Variants in ZFP69 observed in about 807,000 individuals in gnomAD.
ZFP69 encodes zinc finger protein 69 homolog.
In ZFP69, 35 loss-of-function variants were observed where a neutral mutation model predicts 48.9. The ratio of observed to expected loss-of-function variants is 0.72; its 90% confidence interval spans 0.55 to 0.95. ZFP69 has a LOEUF of 0.95. Ranked by LOEUF, ZFP69 falls within the 40% of genes least tolerant of loss-of-function variation. The pLI, the probability that ZFP69 is intolerant of heterozygous loss-of-function variation, is 0.00. For missense variants in ZFP69, 557 were observed against 638.4 expected (o/e 0.87, Z 1.37); for synonymous variants, 193 against 216.8 (o/e 0.89, Z 0.96).
chr1:40,488,190 T>C (rs12240149), intron 3 of ZFP69, among the ~76,000 whole-genome samples: 47 of 105,856 alleles, frequency 4.4e-4, no homozygotes, highest in African/African-American at 5.8e-4. Flanking sequence ...CACACACACA[T>C]AGTTTATTCA....
In ZFP69 at chr1:40,477,446, C is replaced by T. The variant is rs917508691; in HGVS notation, c.-775C>T. On this transcript the variant is annotated 5_prime_UTR_variant, in exon 1 of 6. Coordinates refer to ENST00000372706, the MANE Select transcript of ZFP69 (RefSeq NM_001320179.2). This position sits in a 1 kb window ranked among gnomAD's most constrained non-coding sequence, Gnocchi z 4.0. ...GCCAGGCGAGACACCCGGCTGCGGC[C>T]TAAGAGGCCAGGCTGGGTGGGCTTG... The T allele has an allele frequency of 6.6e-6, 1 of 152,160 alleles. No homozygotes were observed. The highest frequency in any genetic ancestry group is 2.4e-5 in the African/African-American group (1 of 41,438). The allele number at this position is 152,160 out of a possible 1,614,324, so 9.4% of individuals were successfully genotyped here. A position where few individuals can be genotyped will look rare whatever the true frequency, so the allele number is the denominator to read the frequency against.
chr1:40,479,892 T>C (rs1645426962), intron 2 of ZFP69, among the ~76,000 whole-genome samples: 1 of 152,200 alleles, frequency 6.6e-6, no homozygotes, highest in South Asian at 2.1e-4. Context: ...GTTTTTTCTT[T>C]TCATCTGCTG....
At position 40,496,130 on chromosome 1, in the gene ZFP69, A is replaced by ACTC; in HGVS notation, c.*72_*74dup. 6.8e-7 allele frequency: 1 copy of ACTC among 1,460,992 alleles called. No individual in the cohort carries two copies. The highest frequency in any genetic ancestry group is 1.4e-5 in the South Asian group (1 of 71,098). 90.5% of individuals were successfully genotyped at this position (1,460,992 alleles called of 1,614,324 possible). On this transcript the variant is annotated 3_prime_UTR_variant, in exon 6 of 6. Transcript: ENST00000372706. ...ATTTAGAGTGCTTTAAAATTTCAGG[A>ACTC]CTCAGATATGAGGAATTGATGTAAT...
At chr1:40,485,927 G>A (rs1227839262) in intron 3 of ZFP69, among the ~76,000 whole-genome samples, 5 of 151,872 alleles carry the variant, frequency 3.3e-5, no homozygotes, top group African/African-American at 9.7e-5. Flanking sequence ...TTTTTGAGAC[G>A]GAGTCTTGCT....
rs771365335 is a variant in ZFP69, at chr1:40,495,182, ATGT to A, written c.706_708del (p.Val236del). 20 of 1,614,024 alleles carry A rather than the reference ATGT, an allele frequency of 1.2e-5. No individual in the cohort carries two copies. The highest frequency in any genetic ancestry group is 1.6e-5 in the Non-Finnish European group (19 of 1,180,014). ...GGGGAAAATATCATTGTGCATTCAA[ATGT>A]TATTATTGAACAGAGGCACCATAAA... On this transcript the variant is annotated inframe_deletion, in exon 6 of 6. Coordinates refer to ENST00000372706, the MANE Select transcript of ZFP69 (RefSeq NM_001320179.2).
chr1:40,489,110 T>C lies in ZFP69; in HGVS notation c.242T>C (p.Ile81Thr). ...TAGGAATTGTTGACTTTCAAGGACA[T>C]ATCTATTGACTTCACCCAGGAAGAG... ...ESQELLTFKD[I>T]SIDFTQEEWG... The change falls in exon 4 of 6, where the codon ATA becomes ACA. Residue 81 changes from isoleucine to threonine, a missense_variant. Physicochemically the swap from Ile to Thr is moderately conservative, Grantham distance 89. Coordinates refer to ENST00000372706, the MANE Select transcript of ZFP69 (RefSeq NM_001320179.2). The C allele has an allele frequency of 1.2e-6, 2 of 1,614,162 alleles. No individual in the cohort carries two copies. Among genetic ancestry groups the C allele is most frequent in the Non-Finnish European group, 1.7e-6 (2 of 1,180,016 alleles).
At chr1:40,487,645 A>G (rs1464441859) in intron 3 of ZFP69, among the ~76,000 whole-genome samples, 1 of 152,186 alleles carries the variant, frequency 6.6e-6, no homozygotes, top group Non-Finnish European at 1.5e-5. Context: ...TCCTGTGGCT[A>G]TTGTAGTGCG....
chr1:40,496,140 G>T lies in ZFP69; in HGVS notation c.*81G>T, dbSNP rs1467065277. 1.4e-6 allele frequency: 2 copies of T among 1,419,894 alleles called. No individual in the cohort carries two copies. The highest frequency in any genetic ancestry group is 1.9e-6 in the Non-Finnish European group (2 of 1,057,548). The allele number at this position is 1,419,894 out of a possible 1,614,324, so 88.0% of individuals were successfully genotyped here. Reference sequence around the variant, plus strand: ...CTTTAAAATTTCAGGACTCAGATATGAGGAATTGATGTAATGATGCCAACT... The same window carrying T: ...CTTTAAAATTTCAGGACTCAGATATTAGGAATTGATGTAATGATGCCAACT... On this transcript the variant is annotated 3_prime_UTR_variant, in exon 6 of 6. Transcript: ENST00000372706.
At chr1:40,479,807 C>T (rs1189680223) in intron 2 of ZFP69, among the ~76,000 whole-genome samples, 2 of 152,192 alleles carry the variant, frequency 1.3e-5, no homozygotes, top group African/African-American at 4.8e-5. Flanking sequence ...TTCTGCCCTC[C>T]TTAAGTCCTC....
chr1:40,480,290 G>A (rs1366014300), intron 2 of ZFP69, among the ~76,000 whole-genome samples: 2 of 150,650 alleles, frequency 1.3e-5, no homozygotes, highest in Non-Finnish European at 3.0e-5. Context: ...TTTGGTGATG[G>A]AGTCTCGCTG....
intron 5 of ZFP69, chr1:40,490,787 T>C (rs573341737): frequency 1.3e-5 from 2 of 152,362 alleles, no homozygotes; most frequent in African/African-American, 2.4e-5. Flanking sequence ...CAGCTACTTA[T>C]GAAAACTCCT....
Position 40,495,265 on chromosome 1 carries a change from A to G in ZFP69, c.787A>G (p.Thr263Ala). ...CAAATTAGATTTGATTAATCATCCA[A>G]CAAGTTACATAAGAACAAAAACCTA... ...TYKLDLINHPTSYIRTKTYEC... is the reference protein window; with the variant it reads ...TYKLDLINHPASYIRTKTYEC... Residue 263 changes from threonine (T) to alanine (A), a missense_variant, in exon 6 of 6, where the codon ACA (threonine) becomes GCA (alanine). Thr to Ala is a moderately conservative substitution (Grantham distance 58). Transcript: ENST00000372706. 1 of 1,614,074 alleles carries G rather than the reference A, an allele frequency of 6.2e-7. No individual in the cohort carries two copies. The highest frequency in any genetic ancestry group is 1.1e-5 in the South Asian group (1 of 91,084).
rs911676554 is a variant in ZFP69, at chr1:40,495,250, T to C, written c.772T>C (p.Leu258=). ...PTKRNTYKLD[L]INHPTSYIRT... ...AAAGCGGAACACATACAAATTAGAT[T>C]TGATTAATCATCCAACAAGTTACAT... The change falls in exon 6 of 6, where the codon TTG becomes CTG. Residue 258 remains leucine, a synonymous_variant. Coordinates refer to ENST00000372706, the MANE Select transcript of ZFP69 (RefSeq NM_001320179.2). 3 of 1,613,928 alleles carry C rather than the reference T, an allele frequency of 1.9e-6. No individual in the cohort carries two copies. Among genetic ancestry groups the C allele is most frequent in the East Asian group, 2.2e-5 (1 of 44,884 alleles).
At chr1:40,491,740 G>A (rs1490662097) in intron 5 of ZFP69, among the ~76,000 whole-genome samples, 1 of 145,636 alleles carries the variant, frequency 6.9e-6, no homozygotes, top group African/African-American at 2.5e-5. Context: ...CTTATTGATT[G>A]GTAGAAAAAA....
intron 2 of ZFP69, among the ~76,000 whole-genome samples, chr1:40,480,566 TAAAA>T (rs58707291): frequency 6.9e-6 from 1 of 144,826 alleles, no homozygotes; most frequent in Non-Finnish European, 1.5e-5. Context: ...TAAACTGAGT[TAAAA>T]AAAAAAAACC....
chr1:40,478,300 G>T (rs900727736), intron 1 of ZFP69, among the ~76,000 whole-genome samples: 2 of 152,154 alleles, frequency 1.3e-5, no homozygotes, highest in Non-Finnish European at 2.9e-5. Context: ...GTTTGGTTGA[G>T]ATGATGGATT....
At chr1:40,480,750 TGTTA>T (rs1304712394) in intron 2 of ZFP69, among the ~76,000 whole-genome samples, 2 of 152,214 alleles carry the variant, frequency 1.3e-5, no homozygotes, top group African/African-American at 4.8e-5. Flanking sequence ...TTTATTTGAA[TGTTA>T]GTTTGTACTT....
intron 3 of ZFP69, among the ~76,000 whole-genome samples, chr1:40,485,054 G>A (rs1485057608): frequency 2.6e-5 from 4 of 151,604 alleles, no homozygotes; most frequent in Non-Finnish European, 5.9e-5. Context: ...CACCATGCCT[G>A]GCTAATTTTT....
chr1:40,489,428 C>A, intron 4 of ZFP69, 101 bp from the exon 5 acceptor site: 1 of 1,203,486 alleles, frequency 8.3e-7, no homozygotes. Context: ...CCACCCCTTT[C>A]CACTTGTGGA....
Sources: allele counts gnomAD v4.1 joint callset (sites outside exome capture counted in the v4.1 genomes callset), GRCh38; gene constraint gnomAD v4.1.1; non-coding constraint Gnocchi (gnomAD v3.1); transcripts MANE v1.5; gene names NCBI Gene and HGNC (gene_info 2026-07-23, HGNC 2026-07-21).